The following IFT88 variants were observed in gnomAD, a reference collection of about 807,000 sequenced individuals.
The protein encoded by IFT88 is intraflagellar transport protein 88 homolog.
IFT88 carries 74 observed loss-of-function variants against 119.5 expected under a neutral mutation model. The observed-to-expected ratio is 0.62, with a 90% confidence interval of 0.51 to 0.75. The LOEUF (loss-of-function observed/expected upper bound fraction) is 0.75. IFT88 is among the 30% of genes least tolerant of loss of function. The probability of loss-of-function intolerance (pLI) is 0.00; values close to 1 mark genes in which losing one functional copy is unlikely to be tolerated. For synonymous variants in IFT88, 279 were observed against 316.7 expected, an observed-to-expected ratio of 0.88 and a Z score of 1.26; for missense variants, 961 against 977.7, an observed-to-expected ratio of 0.98 and a Z score of 0.23.
intron 13 of IFT88, chr13:20,607,702 T>C: frequency 1.3e-6 from 1 of 782,532 alleles, no homozygotes; most frequent in Middle Eastern, 3.0e-4. Flanking sequence ...CGTCTCACAG[T>C]GGCCCTGGAT....
At position 20,597,147 on chromosome 13, in the gene IFT88, T is replaced by A. The variant is rs1292003967; in HGVS notation, c.594+28T>A. On this transcript the variant is annotated intron_variant, in intron 9 of 25. Coordinates refer to ENST00000351808, the MANE Select transcript of IFT88 (RefSeq NM_006531.5). The stretch of plus-strand genomic sequence containing the variant: ...AAGTATTGAAATATAACACAATTTT[T>A]AAATAAAATTTTGACTAGGGTTAAT... 6 of 1,343,062 alleles carry A rather than the reference T, an allele frequency of 4.5e-6. No homozygotes were observed. In the South Asian group the frequency reaches 8.0e-5, roughly 18 times the overall value. 83.2% of individuals were successfully genotyped at this position (1,343,062 alleles called of 1,614,324 possible).
rs141343076 is a variant in IFT88 at position 20,610,804 on chromosome 13, C to T, written c.1113-4989C>T. 9.8e-3 allele frequency among the ~76,000 whole-genome samples: 1,489 copies of T among 151,922 alleles called. 24 individuals carry two copies. The highest frequency in any genetic ancestry group is 0.034 in the African/African-American group (1,397 of 41,440). On this transcript the variant is annotated intron_variant, in intron 13 of 25. Coordinates refer to ENST00000351808, the MANE Select transcript of IFT88 (RefSeq NM_006531.5). The stretch of plus-strand genomic sequence containing the variant: ...GCATCTGGACCAAATGGGATTTGTC[C>T]CAGGAATGTGAAACTGGTTTAACAT...
chr13:20,591,015 A>G lies in IFT88; in HGVS notation c.259A>G (p.Ile87Val), dbSNP rs780723603. 4.5e-5 allele frequency: 72 copies of G among 1,608,074 alleles called. No homozygotes were observed. The highest frequency in any genetic ancestry group is 6.0e-5 in the Non-Finnish European group (70 of 1,176,092). The part of the protein sequence containing the change: ...SSIGRPMTGA[I>V]QDGVTRPMTA... The stretch of plus-strand genomic sequence containing the variant: ...AATAGGAAGACCAATGACAGGGGCT[A>G]TTCAGGTATCTCTATTGGATGCATG... The change falls in exon 5 of 26, where the codon ATT becomes GTT. Residue 87 changes from isoleucine (I) to valine (V), a missense_variant. Transcript: ENST00000351808.
chr13:20,669,424 A>ATTT (rs34389525), intron 23 of IFT88, among the ~76,000 whole-genome samples: 352 of 143,046 alleles, frequency 2.5e-3, no homozygotes, highest in Non-Finnish European at 3.5e-3. Flanking sequence ...TATTTTCAGC[A>ATTT]TTTTTTTTTT....
intron 24 of IFT88, among the ~76,000 whole-genome samples, chr13:20,675,708 A>G (rs2056577118): frequency 6.6e-6 from 1 of 152,244 alleles, no homozygotes; most frequent in Non-Finnish European, 1.5e-5. Context: ...CGTGTAAGTG[A>G]ATAAATGTGA....
At chr13:20,670,846 C>A in intron 23 of IFT88, 127 bp from the exon 24 acceptor site, 12 of 479,752 alleles carry the variant, frequency 2.5e-5, no homozygotes, top group Non-Finnish European at 3.4e-5. Flanking sequence ...ATAGAATCAA[C>A]TCTCAGGTAT....
intron 25 of IFT88, 61 bp from the exon 26 acceptor site, chr13:20,690,993 G>C: frequency 6.3e-7 from 1 of 1,582,006 alleles, no homozygotes; most frequent in Non-Finnish European, 8.6e-7. Flanking sequence ...GAGCCTGATT[G>C]GTTTCACATT....
intron 1 of IFT88, 62 bp from the exon 2 acceptor site, chr13:20,574,318 C>T: frequency 1.1e-6 from 1 of 895,554 alleles, no homozygotes; most frequent in Non-Finnish European, 1.7e-6. Context: ...AGACATATCT[C>T]AAAAAATATA....
At chr13:20,673,867 C>G (rs2056272077) in intron 24 of IFT88, among the ~76,000 whole-genome samples, 1 of 152,166 alleles carries the variant, frequency 6.6e-6, no homozygotes, top group African/African-American at 2.4e-5. Flanking sequence ...CATACAAACT[C>G]TGTGCTCTCA....
chr13:20,655,489 C>T (rs9509318), intron 21 of IFT88, among the ~76,000 whole-genome samples: 25,133 of 149,170 alleles, frequency 0.17, 3,144 homozygotes, highest in Admixed American at 0.35. Context: ...TTTATTTATC[C>T]ATTCATTCAT....
chr13:20,625,772 T>A lies in IFT88; in HGVS notation c.1222T>A (p.Ser408Thr), dbSNP rs1482059434. Residue 408 changes from serine (S) to threonine (T), a missense_variant, in exon 15 of 26, where the codon TCT (serine) becomes ACT (threonine). Physicochemically the swap from Ser to Thr is moderately conservative, Grantham distance 58. Transcript: ENST00000351808. ...TAGGTGCGTGGAAGTGGTGAAAGCT[T>A]CTCAATATGTAGAGCTAGCCAATGA... ...YDWCVEVVKA[S>T]QYVELANDLE... is the part of the protein sequence containing the mutation. 1 of 1,605,502 alleles carries A rather than the reference T, an allele frequency of 6.2e-7. No individual in the cohort carries two copies. Among genetic ancestry groups the A allele is most frequent in the African/African-American group, 1.3e-5 (1 of 74,526 alleles).
At chr13:20,573,207 A>G (rs2036721477) in intron 1 of IFT88, among the ~76,000 whole-genome samples, 1 of 152,162 alleles carries the variant, frequency 6.6e-6, no homozygotes, top group Non-Finnish European at 1.5e-5. Context: ...AAATTAATCT[A>G]ACAATGGCAC....
chr13:20,664,951 C>G (rs2054433529), intron 23 of IFT88, among the ~76,000 whole-genome samples: 2 of 151,838 alleles, frequency 1.3e-5, no homozygotes. Context: ...TGGTGGAGGG[C>G]ACCTGTAGTC....
rs145426512 is a variant in IFT88 at position 20,590,838 on chromosome 13, A to G, written c.211-129A>G. 4.7e-4 allele frequency: 298 copies of G among 635,448 alleles called. 1 individual carries two copies. In the African/African-American group the frequency reaches 5.2e-3, roughly 11 times the overall value. 39.4% of individuals were successfully genotyped at this position (635,448 alleles called of 1,614,324 possible). A position where few individuals can be genotyped will look rare whatever the true frequency, so the allele number is the denominator to read the frequency against. On this transcript the variant is annotated intron_variant, in intron 4 of 25. Coordinates refer to ENST00000351808, the MANE Select transcript of IFT88 (RefSeq NM_006531.5). ...TTTTATGGTTTTACCCTATACGCCC[A>G]GGAGGTACAAGGAATAAATTATGTT...
intron 20 of IFT88, among the ~76,000 whole-genome samples, chr13:20,646,001 A>G (rs1019436646): frequency 2.6e-5 from 4 of 152,192 alleles, no homozygotes; most frequent in African/African-American, 7.2e-5. Flanking sequence ...AAGCTTTTTA[A>G]TTACACTTAA....
At chr13:20,669,716 A>G (rs1379032151) in intron 23 of IFT88, among the ~76,000 whole-genome samples, 1 of 151,986 alleles carries the variant, frequency 6.6e-6, no homozygotes, top group Non-Finnish European at 1.5e-5. Context: ...GAGCCACCAC[A>G]CCGGGCCTAT....
intron 24 of IFT88, 22 bp from the exon 25 acceptor site, chr13:20,690,683 A>G: frequency 1.4e-6 from 2 of 1,461,708 alleles, no homozygotes; most frequent in Non-Finnish European, 1.9e-6. Flanking sequence ...AAACAAATGC[A>G]TTTTTATTTT....
In IFT88 at chr13:20,567,688, C is replaced by A. The variant is rs890274371; in HGVS notation, c.-7+432C>A. ...TTGTTAGGTGAAGCACTTCAAATTGCCTGATGAAAGTTGAATCAGGAATGA... is the reference window on the plus strand; with the variant it reads ...TTGTTAGGTGAAGCACTTCAAATTGACTGATGAAAGTTGAATCAGGAATGA... On this transcript the variant is annotated intron_variant, in intron 1 of 25. Transcript: ENST00000351808. 2.5e-5 allele frequency: 29 copies of A among 1,156,374 alleles called. No homozygotes were observed. In the South Asian group the frequency reaches 8.9e-4, roughly 35 times the overall value. The allele number at this position is 1,156,374 out of a possible 1,614,324, so 71.6% of individuals were successfully genotyped here.
intron 2 of IFT88, among the ~76,000 whole-genome samples, chr13:20,577,734 T>A: frequency 6.6e-6 from 1 of 152,216 alleles, no homozygotes; most frequent in East Asian, 1.9e-4. Flanking sequence ...ATCTTTCTAA[T>A]GTATTGTTGG....
Sources: allele counts gnomAD v4.1 joint callset (sites outside exome capture counted in the v4.1 genomes callset), GRCh38; gene constraint gnomAD v4.1.1; transcripts MANE v1.5; gene names NCBI Gene and HGNC (gene_info 2026-07-23, HGNC 2026-07-21).